Variants in CEP170 observed in about 807,000 individuals in gnomAD.
CEP170 encodes centrosomal protein 170, also known as centrosomal protein of 170 kDa.
Under a neutral mutation model 151.9 loss-of-function variants are expected in CEP170, and 21 were observed. The observed-to-expected ratio is 0.14, with a 90% CI of 0.10 to 0.20. The LOEUF is 0.20. Ranked by LOEUF, CEP170 falls within the 10% of genes least tolerant of loss-of-function variation. The pLI, the probability that CEP170 is intolerant of heterozygous loss-of-function variation, is 1.00. For synonymous variants in CEP170, 356 were observed against 648.8 expected (o/e 0.55, Z 6.86); for missense variants, 964 against 1,892.9 (o/e 0.51, Z 9.11).
chr1:243,235,655 C>A, intron 1 of CEP170, among the ~76,000 whole-genome samples: 1 of 150,160 alleles, frequency 6.7e-6, no homozygotes. Flanking sequence ...TAAGCTGCAA[C>A]TTAAATCTGA....
At chr1:243,217,378 T>C (rs1489841425) in intron 3 of CEP170, among the ~76,000 whole-genome samples, 1 of 152,216 alleles carries the variant, frequency 6.6e-6, no homozygotes, top group Non-Finnish European at 1.5e-5. Context: ...TTGTCTCTAA[T>C]AACCTAAAAC....
intron 10 of CEP170, among the ~76,000 whole-genome samples, chr1:243,179,966 A>C (rs1456640259): frequency 1.3e-5 from 2 of 152,220 alleles, no homozygotes; most frequent in Non-Finnish European, 2.9e-5. Context: ...CTTCAAAGTG[A>C]ATTATGAGAT....
At chr1:243,146,287 AC>A (rs1303495943) in intron 14 of CEP170, among the ~76,000 whole-genome samples, 36 of 152,224 alleles carry the variant, frequency 2.4e-4, no homozygotes, top group African/African-American at 8.7e-4. Context: ...AATAGGATGC[AC>A]CAGGGAGACT....
chr1:243,143,505 T>G (rs2056124833), intron 14 of CEP170, among the ~76,000 whole-genome samples: 1 of 152,190 alleles, frequency 6.6e-6, no homozygotes, highest in Admixed American at 6.5e-5. Context: ...CTTTTAGAGT[T>G]TTTTTTAAGA....
chr1:243,160,058 G>A (rs867705091), intron 13 of CEP170, among the ~76,000 whole-genome samples: 1 of 152,088 alleles, frequency 6.6e-6, no homozygotes, highest in African/African-American at 2.4e-5. Context: ...CAAAGTCCTA[G>A]GATTATAGTC....
rs532331896 is a variant in CEP170 at position 243,203,202 on chromosome 1, T to TA, written c.275-2368dup. 8.1e-4 allele frequency among the ~76,000 whole-genome samples: 124 copies of TA among 152,320 alleles called. 1 individual carries two copies. Among genetic ancestry groups the TA allele is most frequent in the Non-Finnish European group, 1.7e-3 (118 of 68,034 alleles). On this transcript the variant is annotated intron_variant, in intron 4 of 19. Coordinates refer to ENST00000366542, the MANE Select transcript of CEP170 (RefSeq NM_014812.3). ...TGGTGCAGGCCTATGTAGCTATTTTTAACTTGCTAATCAAGAAAAATGACA... is the reference window on the plus strand; with the variant it reads ...TGGTGCAGGCCTATGTAGCTATTTTTAAACTTGCTAATCAAGAAAAATGACA...
At chr1:243,205,766 T>A (rs1332107955) in intron 4 of CEP170, among the ~76,000 whole-genome samples, 3 of 152,150 alleles carry the variant, frequency 2.0e-5, no homozygotes, top group Admixed American at 6.5e-5. Flanking sequence ...AATAAAAAAT[T>A]ACTATGAGTG....
At chr1:243,248,828 C>T (rs1345063302) in intron 1 of CEP170, among the ~76,000 whole-genome samples, 3 of 152,160 alleles carry the variant, frequency 2.0e-5, no homozygotes, top group African/African-American at 4.8e-5. Flanking sequence ...AATAAAATCT[C>T]TATGCAACCT....
chr1:243,173,778 C>T (rs1472605498), intron 10 of CEP170, among the ~76,000 whole-genome samples: 1 of 150,110 alleles, frequency 6.7e-6, no homozygotes, highest in Admixed American at 6.6e-5. Context: ...TTAAACAGTA[C>T]AACAATGCAA....
In CEP170 at chr1:243,164,723, A is replaced by C. The variant is rs2058326580; in HGVS notation, c.3237T>G (p.Ser1079=). 6.2e-7 allele frequency: 1 copy of C among 1,613,414 alleles called. No homozygotes were observed. Among genetic ancestry groups the C allele is most frequent in the African/African-American group, 1.3e-5 (1 of 74,900 alleles). ...EGSKVTKSKT[S]PVVSGSSSKS... is the part of the protein sequence containing the mutation. ...TACTAGATGAACCAGATACCACCGG[A>C]GAAGTCTTAGATTTCGTTACTTTAC... is the stretch of plus-strand genomic sequence containing the variant. The change falls in exon 13 of 20, where the codon TCT becomes TCG. Residue 1079 remains serine (S), a synonymous_variant. Transcript: ENST00000366542.
intron 1 of CEP170, among the ~76,000 whole-genome samples, chr1:243,241,071 A>G (rs2064790195): frequency 6.6e-6 from 1 of 152,268 alleles, no homozygotes; most frequent in Non-Finnish European, 1.5e-5. Flanking sequence ...TTTTAATAAT[A>G]TCTAAATGAA....
chr1:243,231,567 G>C (rs2063762813), intron 1 of CEP170, among the ~76,000 whole-genome samples: 1 of 152,112 alleles, frequency 6.6e-6, no homozygotes, highest in Non-Finnish European at 1.5e-5. Flanking sequence ...GGGAGGAATG[G>C]AGATGTGCAC....
intron 1 of CEP170, among the ~76,000 whole-genome samples, chr1:243,229,761 G>A (rs6679924): frequency 4.6e-5 from 7 of 152,018 alleles, no homozygotes; most frequent in South Asian, 2.1e-4. Context: ...CAATACCCAC[G>A]GACCTAAGAA....
intron 10 of CEP170, among the ~76,000 whole-genome samples, chr1:243,183,239 C>A (rs995617853): frequency 1.3e-5 from 2 of 152,056 alleles, no homozygotes; most frequent in African/African-American, 4.8e-5. Flanking sequence ...ATAAATGAAT[C>A]AATGAAATAG....
chr1:243,188,898 C>T (rs139655045), intron 8 of CEP170, among the ~76,000 whole-genome samples: 3,312 of 122,546 alleles, frequency 0.027, no homozygotes, highest in Non-Finnish European at 0.032. Context: ...GATGGAAGCT[C>T]TGACTTTTGG....
chr1:243,133,459 GA>G (rs1172685018), intron 17 of CEP170, among the ~76,000 whole-genome samples: 1 of 152,076 alleles, frequency 6.6e-6, no homozygotes, highest in African/African-American at 2.4e-5. Context: ...CCCAGCTTTA[GA>G]AAATAATTTT....
intron 1 of CEP170, among the ~76,000 whole-genome samples, chr1:243,244,326 C>A (rs960956073): frequency 1.4e-5 from 2 of 145,182 alleles, no homozygotes; most frequent in African/African-American, 5.0e-5. Context: ...TCTAGAATAA[C>A]CCCCCTGCCC....
At chr1:243,136,414 TAAC>T in intron 16 of CEP170, 183 bp from the exon 17 acceptor site, 3 of 789,924 alleles carry the variant, frequency 3.8e-6, no homozygotes, top group Non-Finnish European at 5.8e-6. Flanking sequence ...GAAACACTAT[TAAC>T]AAAGGAGTTC....
intron 4 of CEP170, chr1:243,211,657 T>TAG (rs995082278): frequency 3.1e-5 from 14 of 454,474 alleles, no homozygotes; most frequent in South Asian, 5.5e-5. Flanking sequence ...ACTACATAAA[T>TAG]AGAGAGAGAG....
Sources: gnomAD v4.1 joint callset for allele counts (sites outside exome capture counted in the v4.1 genomes callset) on GRCh38, gnomAD v4.1.1 for gene constraint, MANE v1.5 for transcripts, NCBI Gene and HGNC (gene_info 2026-07-23, HGNC 2026-07-21) for gene names.